DACH1: variants seen among roughly 807,000 people sequenced by gnomAD.
DACH1 encodes the protein dachshund family transcription factor 1, also known as dachshund homolog 1.
In DACH1, 12 loss-of-function variants were observed where a neutral mutation model predicts 54.2. The observed-to-expected ratio is 0.22, with a 90% CI of 0.14 to 0.36. DACH1 has a LOEUF of 0.36. DACH1 is among the 10% of genes least tolerant of loss of function. DACH1 has a pLI of 1.00. For synonymous variants in DACH1, 386 were observed against 366.2 expected (o/e 1.05, Z -0.62); for missense variants, 805 against 929.8 (o/e 0.87, Z 1.75).
chr13:71,664,002 T>A (rs1165695292), intron 2 of DACH1, among the ~76,000 whole-genome samples: 2 of 151,922 alleles, frequency 1.3e-5, no homozygotes, highest in African/African-American at 4.8e-5. Context: ...AAATACCCAA[T>A]GCTATTGTAA....
At chr13:71,478,903 T>C (rs913488337) in intron 8 of DACH1, among the ~76,000 whole-genome samples, 2 of 152,160 alleles carry the variant, frequency 1.3e-5, no homozygotes, top group Non-Finnish European at 2.9e-5. Context: ...TTAAAGAACA[T>C]GAATTTTTAA....
chr13:71,516,439 C>T (rs1340776084), intron 6 of DACH1, among the ~76,000 whole-genome samples: 2 of 151,900 alleles, frequency 1.3e-5, no homozygotes, highest in East Asian at 3.9e-4. Context: ...TTGGAAAAAT[C>T]AAGGACAGTG....
chr13:71,532,826 A>G (rs1388117279), intron 6 of DACH1, among the ~76,000 whole-genome samples: 2 of 151,966 alleles, frequency 1.3e-5, no homozygotes, highest in Admixed American at 6.6e-5. Flanking sequence ...ATATATAAAT[A>G]TATTTCACTG....
At chr13:71,613,322 T>C (rs1043581620) in intron 3 of DACH1, among the ~76,000 whole-genome samples, 1 of 152,104 alleles carries the variant, frequency 6.6e-6, no homozygotes, top group Non-Finnish European at 1.5e-5. Flanking sequence ...CCCAAGAGTT[T>C]TGAGAGAGGA....
intron 1 of DACH1, among the ~76,000 whole-genome samples, chr13:71,860,325 G>A (rs1304308622): frequency 1.3e-5 from 2 of 151,484 alleles, no homozygotes; most frequent in Non-Finnish European, 3.0e-5. Context: ...ATATGCTAAG[G>A]TCATTCTATT....
intron 1 of DACH1, among the ~76,000 whole-genome samples, chr13:71,862,373 T>G (rs2138295030): frequency 6.6e-6 from 1 of 152,152 alleles, no homozygotes; most frequent in African/African-American, 2.4e-5. Flanking sequence ...TATTTAATGG[T>G]AAGCAGTTAA....
chr13:71,667,759 T>C (rs1879935835), intron 2 of DACH1, among the ~76,000 whole-genome samples: 1 of 152,150 alleles, frequency 6.6e-6, no homozygotes, highest in African/African-American at 2.4e-5. Context: ...ATTTATTCAA[T>C]AAGTTACTTA....
In DACH1 at chr13:71,866,375, G is replaced by T. The variant is rs1328280165; in HGVS notation, c.395C>A (p.Thr132Asn). 23 of 1,501,956 alleles carry T rather than the reference G, an allele frequency of 1.5e-5. No individual in the cohort carries two copies. Among genetic ancestry groups the T allele is most frequent in the African/African-American group, 4.2e-5 (3 of 71,232 alleles). 93.0% of individuals were successfully genotyped at this position (1,501,956 alleles called of 1,614,324 possible). ...ISAGGGVASS[T>N]PINASTGSSS... is the part of the protein sequence containing the mutation. ...GCTGCCGGTGCTGGCGTTGATGGGG[G>T]TGCTGGAAGCGACGCCGCCGCCAGC... The change falls in exon 1 of 11, where the codon ACC becomes AAC. Residue 132 changes from threonine to asparagine, a missense_variant. Thr to Asn is a moderately conservative substitution (Grantham distance 65, BLOSUM62 0). Around this residue, in one of 3 missense-constraint regions of DACH1, gnomAD observed 305 missense variants for 308.7 expected, o/e 0.99. Coordinates refer to ENST00000613252, the MANE Select transcript of DACH1 (RefSeq NM_080759.6).
rs751513415 is a variant in DACH1 at position 71,866,311 on chromosome 13, A to ACTGCTGCTGCTGCTG, written c.444_458dup (p.Ser159_Ser163dup). ...TGCTGCTACTGCTGCTGCTGCTACT[A>ACTGCTGCTGCTGCTG]CTGCTGCTGCTGCTGCTGCTGCTAC... On this transcript the variant is annotated inframe_insertion, in exon 1 of 11. Transcript: ENST00000613252. The ACTGCTGCTGCTGCTG allele has an allele frequency of 8.4e-6, 13 of 1,541,516 alleles. No individual in the cohort carries two copies. Among genetic ancestry groups the ACTGCTGCTGCTGCTG allele is most frequent in the South Asian group, 1.2e-5 (1 of 84,330 alleles).
At chr13:71,510,675 C>T (rs1350434425) in intron 6 of DACH1, among the ~76,000 whole-genome samples, 1 of 151,916 alleles carries the variant, frequency 6.6e-6, no homozygotes, top group Non-Finnish European at 1.5e-5. Flanking sequence ...GTTTTTGAGA[C>T]TCAAAACTGT....
At chr13:71,783,202 T>A (rs1182997792) in intron 1 of DACH1, among the ~76,000 whole-genome samples, 1 of 152,104 alleles carries the variant, frequency 6.6e-6, no homozygotes, top group African/African-American at 2.4e-5. Context: ...CATCAAAACC[T>A]AAAGATAGCT....
At chr13:71,745,321 A>C (rs2137958901) in intron 1 of DACH1, among the ~76,000 whole-genome samples, 1 of 152,334 alleles carries the variant, frequency 6.6e-6, no homozygotes, top group Admixed American at 6.5e-5. Flanking sequence ...TGAAAAATGG[A>C]TGCTCTGCAG....
intron 1 of DACH1, among the ~76,000 whole-genome samples, chr13:71,791,351 A>G (rs1886822252): frequency 6.6e-6 from 1 of 151,954 alleles, no homozygotes; most frequent in Admixed American, 6.6e-5. Context: ...AAGAGGGTGG[A>G]GCTATTCTTT....
intron 3 of DACH1, among the ~76,000 whole-genome samples, chr13:71,585,683 A>G (rs1308723826): frequency 6.6e-6 from 1 of 152,176 alleles, no homozygotes; most frequent in African/African-American, 2.4e-5. Context: ...GGCTAGGACC[A>G]GATTATGAAA....
chr13:71,758,508 T>C (rs1009557270), intron 1 of DACH1, among the ~76,000 whole-genome samples: 1 of 152,194 alleles, frequency 6.6e-6, no homozygotes. Flanking sequence ...TGCTAAGAAA[T>C]GCAGTGCGAC....
At chr13:71,470,356 T>C (rs1323808652) in intron 10 of DACH1, among the ~76,000 whole-genome samples, 1 of 151,344 alleles carries the variant, frequency 6.6e-6, no homozygotes, top group African/African-American at 2.4e-5. Context: ...TTGCCCGGGC[T>C]GGAGTGCAGT....
intron 4 of DACH1, among the ~76,000 whole-genome samples, chr13:71,566,741 T>C (rs978293449): frequency 2.0e-5 from 3 of 152,142 alleles, no homozygotes; most frequent in African/African-American, 7.2e-5. Context: ...TCTTTTTTCA[T>C]ATTTAATATC....
intron 2 of DACH1, among the ~76,000 whole-genome samples, chr13:71,658,383 C>G (rs530980918): frequency 6.6e-6 from 1 of 152,230 alleles, no homozygotes; most frequent in East Asian, 1.9e-4. Flanking sequence ...AACCCCATCT[C>G]TACTAAAAAT....
intron 1 of DACH1, among the ~76,000 whole-genome samples, chr13:71,716,201 T>C (rs1199188326): frequency 6.6e-6 from 1 of 152,074 alleles, no homozygotes; most frequent in Non-Finnish European, 1.5e-5. Flanking sequence ...CTGCCTATGA[T>C]ACATCTTCCA....
Sources: allele counts gnomAD v4.1 joint callset (sites outside exome capture counted in the v4.1 genomes callset), GRCh38; gene constraint gnomAD v4.1.1; regional missense constraint gnomAD v4.1.1; transcripts MANE v1.5; gene names NCBI Gene and HGNC (gene_info 2026-07-23, HGNC 2026-07-21).